The following SCMH1 variants were observed in gnomAD, a reference collection of about 807,000 sequenced individuals.
The protein encoded by SCMH1 is Scm polycomb group protein homolog 1.
SCMH1 carries 37 observed loss-of-function variants against 70.8 expected under a neutral mutation model. The observed-to-expected ratio is 0.52, with a 90% CI of 0.40 to 0.69. The LOEUF is 0.69. Among genes scored for constraint, SCMH1 ranks in the 30% least tolerant of loss-of-function variants. The pLI is 0.00. For synonymous variants in SCMH1, 292 were observed against 307.4 expected (o/e 0.95, Z 0.52); for missense variants, 607 against 827.3 (o/e 0.73, Z 3.27).
At chr1:41,174,533 T>C (rs1646987180) in intron 2 of SCMH1, among the ~76,000 whole-genome samples, 1 of 152,116 alleles carries the variant, frequency 6.6e-6, no homozygotes, top group South Asian at 2.1e-4. Flanking sequence ...GAACTACAAA[T>C]GGGCCAAACC....
chr1:41,241,165 C>A (rs899108784), intron 1 of SCMH1, among the ~76,000 whole-genome samples: 2 of 152,206 alleles, frequency 1.3e-5, no homozygotes, highest in African/African-American at 4.8e-5. Flanking sequence ...CAAACGGGCT[C>A]GTCAAATTAT....
rs1465934649 is a variant in SCMH1, at chr1:41,159,823, T to A, written c.106+1052A>T. ...TTTGACTTTTAGAGTAAAGTCTGAG[T>A]ATAGCCGCTGAACAGAATGAAAATC... On this transcript the variant is annotated intron_variant, in intron 4 of 14. Coordinates refer to ENST00000337495, the Ensembl canonical transcript of SCMH1. 21 of 1,455,714 alleles carry A rather than the reference T, an allele frequency of 1.4e-5. No individual in the cohort carries two copies. The East Asian group carries it at 4.2e-4, about 29-fold the overall frequency. 90.2% of individuals were successfully genotyped at this position (1,455,714 alleles called of 1,614,324 possible).
chr1:41,144,872 A>G (rs1644412207), intron 5 of SCMH1, among the ~76,000 whole-genome samples: 1 of 152,148 alleles, frequency 6.6e-6, no homozygotes, highest in Admixed American at 6.5e-5. Context: ...TAATGTGCCT[A>G]ACTGGTCATT....
At chr1:41,125,278 A>C (rs1672904784) in intron 6 of SCMH1, among the ~76,000 whole-genome samples, 1 of 151,954 alleles carries the variant, frequency 6.6e-6, no homozygotes, top group Non-Finnish European at 1.5e-5. Flanking sequence ...TTCAGTGGCG[A>C]GATCTCCGCT....
At chr1:41,218,864 T>C (rs57681121) in intron 1 of SCMH1, among the ~76,000 whole-genome samples, 2,854 of 152,300 alleles carry the variant, frequency 0.019, 87 homozygotes, top group East Asian at 0.11. Flanking sequence ...TTGTCCCAGG[T>C]TCCTGGCACA....
At chr1:41,031,572 G>A (rs1452520943) in intron 13 of SCMH1, among the ~76,000 whole-genome samples, 3 of 152,210 alleles carry the variant, frequency 2.0e-5, no homozygotes, top group Non-Finnish European at 4.4e-5. Flanking sequence ...GGGCTGCTTA[G>A]AGTCACAGAA....
chr1:41,219,146 T>C (rs923818447), intron 1 of SCMH1, among the ~76,000 whole-genome samples: 1 of 152,202 alleles, frequency 6.6e-6, no homozygotes, highest in Non-Finnish European at 1.5e-5. Flanking sequence ...TGCTTCCTAA[T>C]TTGTGAACAC....
chr1:41,221,699 C>A (rs1659319147), intron 1 of SCMH1, among the ~76,000 whole-genome samples: 1 of 151,308 alleles, frequency 6.6e-6, no homozygotes, highest in South Asian at 2.1e-4. Context: ...ACCAGCCTGG[C>A]CAACATGGCG....
At chr1:41,085,351 AAAT>A (rs1362751102) in intron 8 of SCMH1, among the ~76,000 whole-genome samples, 1 of 152,148 alleles carries the variant, frequency 6.6e-6, no homozygotes, top group Non-Finnish European at 1.5e-5. Flanking sequence ...AAGAAAATAT[AAAT>A]AGTTTGCTAT....
intron 1 of SCMH1, among the ~76,000 whole-genome samples, chr1:41,228,751 A>G (rs938145866): frequency 3.5e-5 from 3 of 85,928 alleles, no homozygotes; most frequent in Admixed American, 1.2e-4. Flanking sequence ...GACTTGGGGA[A>G]AAAAAAAAAG....
At chr1:41,075,339 T>C (rs1205160183) in exon 9 of SCMH1, 2 of 1,614,118 alleles carry the variant, frequency 1.2e-6, no homozygotes, top group Admixed American at 1.7e-5. Flanking sequence ...TCTTTCCTGG[T>C]TTACGCCCCC....
intron 13 of SCMH1, among the ~76,000 whole-genome samples, chr1:41,029,874 T>C (rs1385755591): frequency 1.3e-5 from 2 of 152,202 alleles, no homozygotes; most frequent in Admixed American, 1.3e-4. Flanking sequence ...CATCACACCA[T>C]GCTAGTAATC....
At chr1:41,176,169 AAAAAAAAAACCAAAAAAAAC>A (rs1647108186) in intron 2 of SCMH1, among the ~76,000 whole-genome samples, 1 of 141,240 alleles carries the variant, frequency 7.1e-6, no homozygotes, top group African/African-American at 2.5e-5. Flanking sequence ...GACTTGTCTC[AAAAAAAAAACCAAAAAAAAC>A]AAAAAAAAAA....
intron 8 of SCMH1, among the ~76,000 whole-genome samples, chr1:41,090,323 A>T (rs1251104225): frequency 1.3e-5 from 2 of 152,166 alleles, no homozygotes; most frequent in Non-Finnish European, 2.9e-5. Flanking sequence ...AAAGAACATT[A>T]TTTTATATTT....
rs116785006 is a variant in SCMH1, at chr1:41,104,943, C to T, written c.745+8340G>A. Among the ~76,000 whole-genome samples, 820 of 149,882 alleles carry T rather than the reference C, an allele frequency of 5.5e-3. 11 individuals carry two copies. The highest frequency in any genetic ancestry group is 0.019 in the African/African-American group (779 of 41,340). ...CATTAGGTTTCCAAAATTAAAAAACCGTAACATTAAACAGCCTTTTTTTTT... is the reference window on the plus strand; with the variant it reads ...CATTAGGTTTCCAAAATTAAAAAACTGTAACATTAAACAGCCTTTTTTTTT... On this transcript the variant is annotated intron_variant, in intron 8 of 14. Coordinates refer to ENST00000337495, the Ensembl canonical transcript of SCMH1.
intron 6 of SCMH1, among the ~76,000 whole-genome samples, chr1:41,126,665 T>C: frequency 6.6e-6 from 1 of 152,210 alleles, no homozygotes; most frequent in East Asian, 1.9e-4. Flanking sequence ...ATATATACTT[T>C]CTGCAACTTT....
chr1:41,161,563 C>A, intron 2 of SCMH1, 131 bp from the exon 3 acceptor site: 1 of 1,015,296 alleles, frequency 9.8e-7, no homozygotes, highest in Non-Finnish European at 1.3e-6. Context: ...AGGAAAAATA[C>A]TCCAAAATAC....
At chr1:41,089,787 C>CTCT (rs1240914488) in intron 8 of SCMH1, among the ~76,000 whole-genome samples, 8 of 58,750 alleles carry the variant, frequency 1.4e-4, no homozygotes, top group Admixed American at 4.8e-4. Context: ...CATGTTGTCT[C>CTCT]TTTTTTTTTT....
chr1:41,217,470 T>A (rs1323862111), intron 1 of SCMH1, among the ~76,000 whole-genome samples: 1 of 152,196 alleles, frequency 6.6e-6, no homozygotes, highest in Non-Finnish European at 1.5e-5. Context: ...CCAGATAGTG[T>A]GCTCTGGAAA....
Sources: allele counts gnomAD v4.1 joint callset (sites outside exome capture counted in the v4.1 genomes callset), GRCh38; gene constraint gnomAD v4.1.1; transcripts MANE v1.5; gene names NCBI Gene and HGNC (gene_info 2026-07-23, HGNC 2026-07-21).